The following CACNA2D3 variants were observed in gnomAD, a reference collection of about 807,000 sequenced individuals.
The protein encoded by CACNA2D3 is voltage-dependent calcium channel subunit alpha-2/delta-3.
CACNA2D3 carries 60 observed loss-of-function variants against 160.6 expected under a neutral mutation model. That is an observed-to-expected ratio of 0.37 (90% CI 0.30 to 0.46). The LOEUF is 0.46. Among genes scored for constraint, CACNA2D3 ranks in the 20% least tolerant of loss-of-function variants. CACNA2D3 has a pLI of 1.00. For synonymous variants in CACNA2D3, 558 were observed against 492.9 expected (o/e 1.13, Z -1.75); for missense variants, 1,205 against 1,365.0 (o/e 0.88, Z 1.85).
rs1236890502 is a variant in CACNA2D3 at position 54,402,348 on chromosome 3, A to T, written c.381+15574A>T. ...CAAAAGACATAGAGTGGCTAAATTG[A>T]TTAAAAAAACAAGGTCCAACTATAT... On this transcript the variant is annotated intron_variant, in intron 4 of 37. Transcript: ENST00000474759. 1.3e-5 allele frequency among the ~76,000 whole-genome samples: 2 copies of T among 152,196 alleles called. 1 individual carries two copies. The highest frequency in any genetic ancestry group is 4.8e-5 in the African/African-American group (2 of 41,464).
intron 3 of CACNA2D3, among the ~76,000 whole-genome samples, chr3:54,329,311 G>A (rs1012660851): frequency 2.0e-5 from 3 of 152,162 alleles, no homozygotes; most frequent in Non-Finnish European, 4.4e-5. Context: ...TAAGTGCTCA[G>A]TAAATGTTTG....
chr3:54,500,620 T>C (rs1701279809), intron 4 of CACNA2D3, among the ~76,000 whole-genome samples: 1 of 151,828 alleles, frequency 6.6e-6, no homozygotes, highest in African/African-American at 2.4e-5. Context: ...ATTTCTTTCT[T>C]TTTTTCTTCT....
At chr3:54,450,783 C>T (rs1700292656) in intron 4 of CACNA2D3, among the ~76,000 whole-genome samples, 1 of 152,070 alleles carries the variant, frequency 6.6e-6, no homozygotes, top group African/African-American at 2.4e-5. Flanking sequence ...GGAACTAAGA[C>T]AATCTCATGT....
At chr3:54,679,833 T>C (rs761938177) in intron 11 of CACNA2D3, among the ~76,000 whole-genome samples, 9 of 152,248 alleles carry the variant, frequency 5.9e-5, no homozygotes, top group Non-Finnish European at 1.0e-4. Flanking sequence ...GTGAATATTT[T>C]CCATCATGAA....
intron 19 of CACNA2D3, 79 bp from the exon 20 acceptor site, chr3:54,879,271 T>A (rs1699736126): frequency 1.3e-5 from 14 of 1,116,650 alleles, no homozygotes; most frequent in Non-Finnish European, 1.8e-5. Flanking sequence ...CATTTATTTT[T>A]ATTTATTTCT....
chr3:54,426,738 A>T (rs894867911), intron 4 of CACNA2D3, among the ~76,000 whole-genome samples: 3 of 152,316 alleles, frequency 2.0e-5, no homozygotes, highest in East Asian at 3.9e-4. Flanking sequence ...TCAGCTGTCA[A>T]ATCTGAATTC....
At chr3:54,779,185 C>A (rs577100730) in intron 13 of CACNA2D3, among the ~76,000 whole-genome samples, 1 of 152,094 alleles carries the variant, frequency 6.6e-6, no homozygotes, top group Non-Finnish European at 1.5e-5. Flanking sequence ...GCAACCTCCA[C>A]CTCCCAGGCT....
At chr3:54,626,289 G>C (rs1262880682) in intron 9 of CACNA2D3, 1 of 1,498,314 alleles carries the variant, frequency 6.7e-7, no homozygotes, top group Non-Finnish European at 9.1e-7. Context: ...ACCAGCTGCT[G>C]GACATGTCCT....
intron 5 of CACNA2D3, among the ~76,000 whole-genome samples, chr3:54,555,691 G>T (rs1441275208): frequency 6.6e-6 from 1 of 152,060 alleles, no homozygotes. Context: ...TGGCACTGGG[G>T]GTAATTTCAT....
chr3:55,073,998 C>A, intron 37 of CACNA2D3, 116 bp from the exon 38 acceptor site: 1 of 1,089,958 alleles, frequency 9.2e-7, no homozygotes, highest in Non-Finnish European at 1.4e-6. Flanking sequence ...TCTGCACCAT[C>A]ATCTAGGTCC....
At chr3:54,215,552 C>CT (rs1283557160) in intron 2 of CACNA2D3, among the ~76,000 whole-genome samples, 1 of 152,112 alleles carries the variant, frequency 6.6e-6, no homozygotes, top group Non-Finnish European at 1.5e-5. Context: ...CAAGATCTAG[C>CT]TTGTCTTTGT....
At chr3:54,464,182 C>A (rs1056167982) in intron 4 of CACNA2D3, among the ~76,000 whole-genome samples, 13 of 152,194 alleles carry the variant, frequency 8.5e-5, no homozygotes, top group Non-Finnish European at 1.5e-4. Context: ...TCTGCCCCTA[C>A]TGGGGGGTGC....
chr3:54,187,090 G>A (rs1700891759), intron 2 of CACNA2D3, among the ~76,000 whole-genome samples: 2 of 152,214 alleles, frequency 1.3e-5, no homozygotes, highest in African/African-American at 4.8e-5. Flanking sequence ...CCCTGGGAGT[G>A]CTGTAGGACG....
chr3:54,595,416 T>C (rs1702937431), intron 9 of CACNA2D3, among the ~76,000 whole-genome samples: 2 of 151,990 alleles, frequency 1.3e-5, no homozygotes, highest in South Asian at 4.2e-4. Context: ...CCAAGGAGAC[T>C]AATCAAGTGA....
chr3:54,645,869 A>G (rs1699624254), intron 11 of CACNA2D3, among the ~76,000 whole-genome samples: 1 of 151,992 alleles, frequency 6.6e-6, no homozygotes, highest in South Asian at 2.1e-4. Context: ...CTTCTGAGCA[A>G]TCCTACTGCC....
intron 2 of CACNA2D3, among the ~76,000 whole-genome samples, chr3:54,198,187 C>G (rs1439945892): frequency 6.6e-6 from 1 of 152,182 alleles, no homozygotes; most frequent in Non-Finnish European, 1.5e-5. Flanking sequence ...TGTGTCTTGT[C>G]TTTGTAATAC....
At chr3:54,527,796 T>A in intron 5 of CACNA2D3, among the ~76,000 whole-genome samples, 1 of 151,986 alleles carries the variant, frequency 6.6e-6, no homozygotes, top group East Asian at 1.9e-4. Context: ...CTAGAGTGAG[T>A]TTGTGTCTTG....
chr3:54,871,831 C>T (rs1049097001), intron 18 of CACNA2D3, among the ~76,000 whole-genome samples: 2 of 152,204 alleles, frequency 1.3e-5, no homozygotes, highest in African/African-American at 4.8e-5. Flanking sequence ...AGGCCAGCCA[C>T]CCCAGCTGCT....
intron 5 of CACNA2D3, among the ~76,000 whole-genome samples, chr3:54,538,162 A>C (rs997389828): frequency 6.6e-6 from 1 of 152,110 alleles, no homozygotes. Context: ...TTACTTAAGG[A>C]TCTGCCAACC....
Sources: allele counts gnomAD v4.1 joint callset (sites outside exome capture counted in the v4.1 genomes callset), GRCh38; gene constraint gnomAD v4.1.1; transcripts MANE v1.5; gene names NCBI Gene and HGNC (gene_info 2026-07-23, HGNC 2026-07-21).